The following EBF1 variants were observed in gnomAD, a reference collection of about 807,000 sequenced individuals.
The protein encoded by EBF1 is transcription factor COE1.
In EBF1, 10 loss-of-function variants were observed where a neutral mutation model predicts 68.4. The observed-to-expected ratio is 0.15, with a 90% confidence interval of 0.09 to 0.25. The LOEUF (loss-of-function observed/expected upper bound fraction) is 0.25. EBF1 is among the 10% of genes least tolerant of loss of function. The pLI, the probability that EBF1 is intolerant of heterozygous loss-of-function variation, is 1.00. For missense variants in EBF1, 509 were observed against 794.4 expected (o/e 0.64, Z 4.32); for synonymous variants, 298 against 299.8 (o/e 0.99, Z 0.06).
rs186284649 is a variant in EBF1 at position 159,004,652 on chromosome 5, A to G, written c.554+68744T>C. On this transcript the variant is annotated intron_variant, in intron 6 of 15. Transcript: ENST00000313708. Reference sequence around the variant, plus strand: ...AATTTACAACTGCTTAGCTTGTTCTATAATGAATTCCATGTTTCCCTACTA... The same window carrying G: ...AATTTACAACTGCTTAGCTTGTTCTGTAATGAATTCCATGTTTCCCTACTA... Among the ~76,000 whole-genome samples, 438 of 152,298 alleles carry G rather than the reference A, an allele frequency of 2.9e-3. 9 individuals carry two copies. The highest frequency in any genetic ancestry group is 0.024 in the Admixed American group (360 of 15,280).
chr5:158,869,988 C>T (rs2072495), intron 6 of EBF1, among the ~76,000 whole-genome samples: 49,601 of 151,964 alleles, frequency 0.33, 8,906 homozygotes, highest in South Asian at 0.57. Flanking sequence ...CACAATATGC[C>T]AAATACTCAT....
At chr5:158,947,773 A>C (rs1028894958) in intron 6 of EBF1, among the ~76,000 whole-genome samples, 4 of 152,218 alleles carry the variant, frequency 2.6e-5, no homozygotes, top group Non-Finnish European at 4.4e-5. Flanking sequence ...GTCTGAGCAA[A>C]GCTAAATACG....
intron 7 of EBF1, among the ~76,000 whole-genome samples, chr5:158,833,618 T>A (rs920827160): frequency 2.0e-5 from 3 of 152,162 alleles, no homozygotes; most frequent in Non-Finnish European, 2.9e-5. Context: ...CCTTCATGTG[T>A]CCTTCTCCCA....
At chr5:159,077,206 G>A (rs1387720342) in intron 5 of EBF1, among the ~76,000 whole-genome samples, 1 of 152,198 alleles carries the variant, frequency 6.6e-6, no homozygotes, top group East Asian at 1.9e-4. Flanking sequence ...AGGCCAAGGT[G>A]GGTAGATCAC....
At chr5:158,723,849 G>C (rs773868054) in intron 11 of EBF1, among the ~76,000 whole-genome samples, 4 of 152,026 alleles carry the variant, frequency 2.6e-5, no homozygotes, top group Non-Finnish European at 1.5e-5. Context: ...GGGGGTCATC[G>C]GCCTTTTTAC....
Position 158,873,986 on chromosome 5 carries a change from A to G in EBF1, c.555-33876T>C, listed in dbSNP as rs1015121468. Among the ~76,000 whole-genome samples the G allele has an allele frequency of 2.6e-5, 4 of 152,338 alleles. No individual in the cohort carries two copies. In the South Asian group the frequency reaches 8.3e-4, roughly 32 times the overall value. Reference sequence around the variant, plus strand: ...AGGGAACACAACCTGTATGATGGAAAGAAGGCTAGAGAGAAAATATTGATC... The same window carrying G: ...AGGGAACACAACCTGTATGATGGAAGGAAGGCTAGAGAGAAAATATTGATC... On this transcript the variant is annotated intron_variant, in intron 6 of 15. Coordinates refer to ENST00000313708, the MANE Select transcript of EBF1 (RefSeq NM_024007.5).
At chr5:159,035,535 G>A (rs1010270370) in intron 6 of EBF1, among the ~76,000 whole-genome samples, 2 of 152,126 alleles carry the variant, frequency 1.3e-5, no homozygotes, top group Admixed American at 6.6e-5. Context: ...CATACTTAGA[G>A]GCTGAAATTA....
chr5:158,731,255 G>T (rs1441543522), intron 10 of EBF1, 98 bp from the exon 11 acceptor site: 3 of 1,085,406 alleles, frequency 2.8e-6, no homozygotes, highest in Non-Finnish European at 4.1e-6. Flanking sequence ...GAAGTCCAAA[G>T]TTTAACTGAT....
chr5:158,781,848 C>A (rs954404695), intron 9 of EBF1, among the ~76,000 whole-genome samples: 1 of 152,128 alleles, frequency 6.6e-6, no homozygotes, highest in Non-Finnish European at 1.5e-5. Context: ...ACTTTTTCCA[C>A]CATAATTATC....
chr5:158,698,093 G>T lies in EBF1; in HGVS notation c.*1018C>A. The T allele has an allele frequency of 4.6e-6, 1 of 218,486 alleles. No homozygotes were observed. The highest frequency in any genetic ancestry group is 1.4e-3 in the Middle Eastern group (1 of 710). The allele number at this position is 218,486 out of a possible 1,614,324, so 13.5% of individuals were successfully genotyped here. A position where few individuals can be genotyped will look rare whatever the true frequency, so the allele number is the denominator to read the frequency against. On this transcript the variant is annotated 3_prime_UTR_variant, in exon 16 of 16. Transcript: ENST00000313708. ...GAAAATCGAAAATACCTGCCACGTT[G>T]CTTTTATCAACTTTTGGAAGATAGG...
chr5:158,710,856 C>T (rs1038060488), intron 14 of EBF1, among the ~76,000 whole-genome samples: 2 of 152,142 alleles, frequency 1.3e-5, no homozygotes, highest in Non-Finnish European at 2.9e-5. Context: ...CCTATCTATC[C>T]TTCCACAAAT....
In EBF1 at chr5:159,095,885, C is replaced by A. The variant is rs1241744006; in HGVS notation, c.356-210G>T. On this transcript the variant is annotated intron_variant, in intron 3 of 15. Coordinates refer to ENST00000313708, the MANE Select transcript of EBF1 (RefSeq NM_024007.5). Reference sequence around the variant, plus strand: ...GTCCAGAGAGGTGCTGCTGGCCTTGCCTTAGCGCTCCTGGAAGCCAGACGC... The same window carrying A: ...GTCCAGAGAGGTGCTGCTGGCCTTGACTTAGCGCTCCTGGAAGCCAGACGC... Among the ~76,000 whole-genome samples the A allele has an allele frequency of 2.0e-5, 3 of 152,244 alleles. No individual in the cohort carries two copies. The South Asian group carries it at 6.2e-4, about 31-fold the overall frequency.
chr5:159,080,506 C>A (rs748191661), intron 5 of EBF1, among the ~76,000 whole-genome samples: 1 of 152,192 alleles, frequency 6.6e-6, no homozygotes, highest in Non-Finnish European at 1.5e-5. Context: ...CTAGAATGAA[C>A]AAAGTGCATG....
chr5:158,877,145 A>G (rs909732973), intron 6 of EBF1, among the ~76,000 whole-genome samples: 47 of 151,284 alleles, frequency 3.1e-4, no homozygotes, highest in African/African-American at 1.0e-3. Context: ...CCACAGTTCC[A>G]AGCCCACAGT....
chr5:158,788,461 A>C (rs747074042), intron 9 of EBF1, among the ~76,000 whole-genome samples: 2 of 152,176 alleles, frequency 1.3e-5, no homozygotes, highest in Non-Finnish European at 2.9e-5. Flanking sequence ...ATTAAAATGA[A>C]TGTTGGTTGA....
At chr5:159,022,132 T>C (rs1766833247) in intron 6 of EBF1, among the ~76,000 whole-genome samples, 1 of 151,064 alleles carries the variant, frequency 6.6e-6, no homozygotes, top group Admixed American at 6.6e-5. Context: ...CAAAATCTGA[T>C]TGCCTCGCTC....
At chr5:158,814,686 C>A (rs1005467256) in intron 8 of EBF1, among the ~76,000 whole-genome samples, 1 of 152,150 alleles carries the variant, frequency 6.6e-6, no homozygotes, top group Non-Finnish European at 1.5e-5. Context: ...GGACTCCTTC[C>A]TCCACACCTT....
intron 6 of EBF1, among the ~76,000 whole-genome samples, chr5:158,977,203 AT>A (rs1756947988): frequency 6.6e-6 from 1 of 152,202 alleles, no homozygotes; most frequent in South Asian, 2.1e-4. Flanking sequence ...CAGTTCCCCA[AT>A]CCACCCTTCT....
intron 6 of EBF1, among the ~76,000 whole-genome samples, chr5:158,980,018 C>G (rs1466969048): frequency 6.6e-6 from 1 of 151,886 alleles, no homozygotes; most frequent in South Asian, 2.1e-4. Context: ...GGTTCTTCTC[C>G]GTTGGTATTT....
Sources: allele counts gnomAD v4.1 joint callset (sites outside exome capture counted in the v4.1 genomes callset), GRCh38; gene constraint gnomAD v4.1.1; transcripts MANE v1.5; gene names NCBI Gene and HGNC (gene_info 2026-07-23, HGNC 2026-07-21).